Variants in HELZ observed in about 807,000 individuals in gnomAD.
HELZ encodes ATP-dependent RNA helicase with zinc finger domain.
In HELZ, 23 loss-of-function variants were observed where a neutral mutation model predicts 218.2. The ratio of observed to expected loss-of-function variants is 0.11; its 90% CI spans 0.08 to 0.15. The LOEUF is 0.15. HELZ is among the 10% of genes least tolerant of loss of function. The pLI is 1.00. For missense variants in HELZ, 1,813 were observed against 2,353.7 expected, an observed-to-expected ratio of 0.77 and a Z score of 4.75; for synonymous variants, 814 against 829.4, an observed-to-expected ratio of 0.98 and a Z score of 0.32.
chr17:67,148,145 G>A (rs959713268), intron 20 of HELZ, among the ~76,000 whole-genome samples: 3 of 152,168 alleles, frequency 2.0e-5, no homozygotes. Flanking sequence ...CTGGGGGGCC[G>A]GGAGGGGGGC....
intron 17 of HELZ, among the ~76,000 whole-genome samples, chr17:67,156,935 C>T (rs1217021746): frequency 1.3e-5 from 2 of 152,146 alleles, no homozygotes; most frequent in Non-Finnish European, 2.9e-5. Flanking sequence ...TGAATCATGG[C>T]GGCAGATCCC....
intron 31 of HELZ, among the ~76,000 whole-genome samples, chr17:67,101,573 T>C (rs1245178768): frequency 2.6e-5 from 4 of 152,230 alleles, no homozygotes; most frequent in Non-Finnish European, 5.9e-5. Context: ...TAAATTATCA[T>C]GCAAAGTGAA....
chr17:67,133,171 T>C (rs1197716357), intron 23 of HELZ, among the ~76,000 whole-genome samples: 4 of 152,158 alleles, frequency 2.6e-5, no homozygotes, highest in African/African-American at 7.2e-5. Flanking sequence ...CAACATAATA[T>C]ATTTACTTCC....
chr17:67,144,160 T>C (rs1387398570), intron 21 of HELZ, among the ~76,000 whole-genome samples: 5 of 152,156 alleles, frequency 3.3e-5, no homozygotes, highest in South Asian at 4.1e-4. Flanking sequence ...CCAGAGCTTC[T>C]AAAATCATCT....
At position 67,201,170 on chromosome 17, in the gene HELZ, T is replaced by C; in HGVS notation, c.388A>G (p.Lys130Glu). The C allele has an allele frequency of 1.2e-6, 2 of 1,608,738 alleles. No individual in the cohort carries two copies. The highest frequency in any genetic ancestry group is 1.7e-6 in the Non-Finnish European group (2 of 1,175,136). The change falls in exon 7 of 33, where the codon AAG (lysine) becomes GAG (glutamate). Residue 130 changes from lysine (K) to glutamate (E), a missense_variant. By Grantham distance (56) the Lys-to-Glu change is moderately conservative. Transcript: ENST00000358691. ...AGTGTTTTTAGTCTTGTCAAATCCT[T>C]TGTTACCATCCCATTCTGAAAGGGT... ...TGESLNGMVT[K>E]DLTRLKTLLS... is the part of the protein sequence containing the mutation.
rs2036040695 is a variant in HELZ, at chr17:67,077,228, T to C, written c.*1024A>G. The C allele has an allele frequency of 6.6e-6, 1 of 152,590 alleles. No homozygotes were observed. Among genetic ancestry groups the C allele is most frequent in the African/African-American group, 2.4e-5 (1 of 41,440 alleles). 9.5% of individuals were successfully genotyped at this position (152,590 alleles called of 1,614,324 possible). ...CTCAAACAAGACAGCTAGCAAAATA[T>C]TTGAATTGCCACGTATAATGTCACA... On this transcript the variant is annotated 3_prime_UTR_variant, in exon 33 of 33. Coordinates refer to ENST00000358691, the MANE Select transcript of HELZ (RefSeq NM_014877.4).
chr17:67,235,596 C>G (rs2041158153), intron 3 of HELZ, among the ~76,000 whole-genome samples: 1 of 152,042 alleles, frequency 6.6e-6, no homozygotes, highest in African/African-American at 2.4e-5. Flanking sequence ...CACATGCCAT[C>G]ACAAGAACTT....
chr17:67,184,525 A>G (rs972580162), intron 12 of HELZ, among the ~76,000 whole-genome samples: 2 of 152,194 alleles, frequency 1.3e-5, no homozygotes, highest in Non-Finnish European at 2.9e-5. Flanking sequence ...CTGGCCGGGC[A>G]TGGTGGCTCA....
intron 5 of HELZ, among the ~76,000 whole-genome samples, chr17:67,211,096 A>G (rs947199921): frequency 6.6e-6 from 1 of 152,150 alleles, no homozygotes; most frequent in Non-Finnish European, 1.5e-5. Flanking sequence ...GAATACAACA[A>G]TGAACTTGGA....
In HELZ at chr17:67,108,761, T is replaced by G. The variant is rs554749358; in HGVS notation, c.4490-35A>C. The G allele has an allele frequency of 2.0e-6, 3 of 1,481,950 alleles. No homozygotes were observed. Among genetic ancestry groups the G allele is most frequent in the East Asian group, 2.3e-5 (1 of 43,772 alleles). 91.8% of individuals were successfully genotyped at this position (1,481,950 alleles called of 1,614,324 possible). On this transcript the variant is annotated intron_variant, in intron 29 of 32. Coordinates refer to ENST00000358691, the MANE Select transcript of HELZ (RefSeq NM_014877.4). The surrounding 1 kb of genome is among the most constrained non-coding windows in gnomAD (Gnocchi z 4.1). ...TATTTGTGAAAAATTTTTTATGAAT[T>G]TGGGGTTTCAAGTTCATTATTTAAA...
intron 7 of HELZ, among the ~76,000 whole-genome samples, chr17:67,196,570 TTGGA>T (rs200704348): frequency 1.3e-3 from 166 of 127,944 alleles, no homozygotes; most frequent in East Asian, 2.2e-3. Context: ...GGTTGGTTAG[TTGGA>T]TGGATGGATG....
chr17:67,196,632 G>A (rs1277525978), intron 7 of HELZ, among the ~76,000 whole-genome samples: 3 of 151,492 alleles, frequency 2.0e-5, no homozygotes, highest in African/African-American at 7.3e-5. Flanking sequence ...ATGGGAACAT[G>A]GGTGGGTGGA....
At chr17:67,122,242 ATACAAAAAAT>A (rs982627751) in intron 26 of HELZ, among the ~76,000 whole-genome samples, 4 of 152,114 alleles carry the variant, frequency 2.6e-5, no homozygotes, top group Admixed American at 2.0e-4. Flanking sequence ...GTCTCTACCA[ATACAAAAAAT>A]TAGCCGGGCA....
chr17:67,125,343 T>TATATATATATACAC (rs1555605956), intron 24 of HELZ, among the ~76,000 whole-genome samples: 3 of 61,398 alleles, frequency 4.9e-5, no homozygotes, highest in African/African-American at 2.1e-4. Context: ...TATATATATA[T>TATATATATATACAC]ATACTTGTGA....
chr17:67,099,565 G>C (rs7214803), intron 31 of HELZ, among the ~76,000 whole-genome samples: 4 of 151,966 alleles, frequency 2.6e-5, no homozygotes, highest in African/African-American at 9.7e-5. Flanking sequence ...ATTTAATACA[G>C]GAAATCTAAG....
intron 21 of HELZ, among the ~76,000 whole-genome samples, chr17:67,143,697 T>C (rs914115947): frequency 6.6e-6 from 1 of 151,988 alleles, no homozygotes; most frequent in Non-Finnish European, 1.5e-5. Flanking sequence ...ATTGAAACCA[T>C]TTCATTACTG....
intron 31 of HELZ, among the ~76,000 whole-genome samples, chr17:67,094,784 T>C (rs1054692333): frequency 1.5e-4 from 23 of 152,166 alleles, no homozygotes; most frequent in Non-Finnish European, 3.1e-4. Context: ...CTGTGCAACA[T>C]AGTGAGACAC....
intron 28 of HELZ, among the ~76,000 whole-genome samples, chr17:67,113,496 A>C (rs915499178): frequency 1.3e-5 from 2 of 152,208 alleles, no homozygotes; most frequent in African/African-American, 4.8e-5. Context: ...TCCTGATCTC[A>C]TGATCCACCC....
intron 22 of HELZ, 114 bp downstream of exon 22, chr17:67,137,817 A>C (rs1343914381): frequency 2.7e-6 from 2 of 749,654 alleles, no homozygotes; most frequent in East Asian, 5.5e-5. Context: ...AAAGAACTTG[A>C]TATGAAATGA....
Sources: allele counts gnomAD v4.1 joint callset (sites outside exome capture counted in the v4.1 genomes callset), GRCh38; gene constraint gnomAD v4.1.1; non-coding constraint Gnocchi (gnomAD v3.1); transcripts MANE v1.5; gene names NCBI Gene and HGNC (gene_info 2026-07-23, HGNC 2026-07-21).